The following SETX variants were observed in gnomAD, a reference collection of about 807,000 sequenced individuals.
SETX encodes the protein senataxin, also known as helicase senataxin.
SETX carries 90 observed loss-of-function variants against 227.2 expected under a neutral mutation model. The observed-to-expected ratio is 0.40, with a 90% CI of 0.33 to 0.47. The LOEUF (loss-of-function observed/expected upper bound fraction) is 0.47. Among genes scored for constraint, SETX ranks in the 20% least tolerant of loss-of-function variants. SETX has a pLI of 0.91. For missense variants in SETX, 3,052 were observed against 3,181.5 expected (o/e 0.96, Z 0.98); for synonymous variants, 1,210 against 1,113.2 (o/e 1.09, Z -1.73).
chr9:132,328,071 G>T lies in SETX; in HGVS notation c.3527C>A (p.Pro1176His). ...EKPMAEDPVR[P>H]SSSVRNEGQS... is the part of the protein sequence containing the mutation. ...GCCCTCATTTCTGACAGAAGATGAA[G>T]GCCTCACAGGATCTTCAGCCATTGG... is the stretch of plus-strand genomic sequence containing the variant. Residue 1176 changes from proline to histidine, a missense_variant, in exon 10 of 26, where the codon CCT becomes CAT. By Grantham distance (77) the Pro-to-His change is moderately conservative. Transcript: ENST00000224140. 6.2e-7 allele frequency: 1 copy of T among 1,614,088 alleles called. No homozygotes were observed. The highest frequency in any genetic ancestry group is 8.5e-7 in the Non-Finnish European group (1 of 1,180,010).
At chr9:132,294,750 A>G (rs1844568038) in intron 15 of SETX, among the ~76,000 whole-genome samples, 1 of 152,180 alleles carries the variant, frequency 6.6e-6, no homozygotes, top group African/African-American at 2.4e-5. Flanking sequence ...GAGCTGGAGC[A>G]GCTATCCTGA....
chr9:132,283,269 C>G lies in SETX; in HGVS notation c.6541G>C (p.Asp2181His). The change falls in exon 19 of 26, where the codon GAT (aspartate) becomes CAT (histidine). Residue 2181 changes from aspartate (D) to histidine (H), a missense_variant. Asp to His is a moderately conservative substitution (Grantham distance 81, BLOSUM62 -1). Coordinates refer to ENST00000224140, the MANE Select transcript of SETX (RefSeq NM_015046.7). ...GGVPFSCVIV[D>H]EAGQSCEIET... Reference sequence around the variant, plus strand: ...ATGGCTGACCGTTCACTGACCTCATCAACAATGACACAGCTGAAGGGGACA... The same window carrying G: ...ATGGCTGACCGTTCACTGACCTCATGAACAATGACACAGCTGAAGGGGACA... The G allele has an allele frequency of 1.2e-6, 2 of 1,614,170 alleles. No individual in the cohort carries two copies. The highest frequency in any genetic ancestry group is 8.5e-7 in the Non-Finnish European group (1 of 1,180,026).
chr9:132,353,323 T>C (rs538026989), intron 2 of SETX, among the ~76,000 whole-genome samples: 82 of 152,134 alleles, frequency 5.4e-4, no homozygotes, highest in African/African-American at 1.8e-3. Context: ...CCCACCCTCC[T>C]ACCTCTGCCC....
At chr9:132,280,826 T>C (rs1039811170) in intron 20 of SETX, among the ~76,000 whole-genome samples, 1 of 152,182 alleles carries the variant, frequency 6.6e-6, no homozygotes, top group African/African-American at 2.4e-5. Context: ...GGAGAATCTT[T>C]CATGAGATTA....
At chr9:132,269,854 T>C (rs983643851) in intron 24 of SETX, 152 bp from the exon 25 acceptor site, 10 of 768,062 alleles carry the variant, frequency 1.3e-5, no homozygotes, top group Middle Eastern at 3.6e-4. Context: ...AGGTGGACTC[T>C]AGAATGACTC....
chr9:132,356,284 C>T (rs900172408), upstream of SETX, among the ~76,000 whole-genome samples: 3 of 152,008 alleles, frequency 2.0e-5, no homozygotes, highest in East Asian at 5.9e-4. Context: ...CTCACTGCAA[C>T]CTCCGCCTCC....
At chr9:132,285,891 A>C (rs942783739) in intron 18 of SETX, among the ~76,000 whole-genome samples, 4 of 148,246 alleles carry the variant, frequency 2.7e-5, no homozygotes, top group Non-Finnish European at 4.5e-5. Flanking sequence ...AAAAAAAAAA[A>C]CACAAAAGAG....
rs201802838 is a variant in SETX at position 132,291,015 on chromosome 9, T to C, written c.6107-2364A>G. 4.6e-5 allele frequency among the ~76,000 whole-genome samples: 7 copies of C among 152,170 alleles called. No individual in the cohort carries two copies. In the East Asian group the frequency reaches 7.7e-4, roughly 17 times the overall value. Reference sequence around the variant, plus strand: ...AAAGAATAGGGTTTTGATCACCACCTAGAAGAGTGGTGGGCACATAATAAA... The same window carrying C: ...AAAGAATAGGGTTTTGATCACCACCCAGAAGAGTGGTGGGCACATAATAAA... On this transcript the variant is annotated intron_variant, in intron 15 of 25. Coordinates refer to ENST00000224140, the MANE Select transcript of SETX (RefSeq NM_015046.7).
Position 132,328,106 on chromosome 9 carries a change from T to C in SETX, c.3492A>G (p.Arg1164=), listed in dbSNP as rs779383206. The part of the protein sequence containing the change: ...EIEVKKPKRK[R]SEKPMAEDPV... ...GATCTTCAGCCATTGGTTTTTCAGA[T>C]CGTTTTCTCTTAGGCTTTTTTACTT... is the stretch of plus-strand genomic sequence containing the variant. The change falls in exon 10 of 26, where the codon CGA becomes CGG. Residue 1164 remains arginine (R), a synonymous_variant. Transcript: ENST00000224140. The C allele has an allele frequency of 1.2e-6, 2 of 1,613,998 alleles. No homozygotes were observed. The highest frequency in any genetic ancestry group is 4.5e-5 in the East Asian group (2 of 44,880).
In SETX at chr9:132,329,153, C is replaced by A. The variant is rs1352231867; in HGVS notation, c.2445G>T (p.Leu815Phe). 17 of 1,611,480 alleles carry A rather than the reference C, an allele frequency of 1.1e-5. No individual in the cohort carries two copies. The highest frequency in any genetic ancestry group is 1.4e-5 in the Non-Finnish European group (16 of 1,179,658). The change falls in exon 10 of 26, where the codon TTG becomes TTT. Residue 815 changes from leucine (L) to phenylalanine (F), a missense_variant. This residue lies in a region of SETX where 1,483 missense variants were observed against 1,312.0 expected (regional missense o/e 1.13). Coordinates refer to ENST00000224140, the MANE Select transcript of SETX (RefSeq NM_015046.7). ...VDNTINLDENLTVSNIESFYS... is the reference protein window; with the variant it reads ...VDNTINLDENFTVSNIESFYS... ...AGAAACTCTCAATGTTAGATACAGT[C>A]AAATTTTCATCTAAATTGATAGTAT...
intron 10 of SETX, among the ~76,000 whole-genome samples, chr9:132,324,741 C>T (rs141616754): frequency 2.6e-5 from 4 of 152,164 alleles, no homozygotes; most frequent in African/African-American, 9.7e-5. Flanking sequence ...ATACTAGGCA[C>T]TCAAATATCT....
chr9:132,334,309 G>A (rs1004722159), intron 7 of SETX, among the ~76,000 whole-genome samples: 6 of 152,136 alleles, frequency 3.9e-5, no homozygotes, highest in Non-Finnish European at 5.9e-5. Context: ...TTAGCTGGGC[G>A]TGGTGGTGCA....
At chr9:132,311,334 CATTTT>C (rs1426982842) in intron 11 of SETX, among the ~76,000 whole-genome samples, 4 of 152,030 alleles carry the variant, frequency 2.6e-5, no homozygotes, top group Non-Finnish European at 4.4e-5. Context: ...AGGACTTATT[CATTTT>C]ATTTTAAAGA....
At chr9:132,267,573 G>A (rs1477758773) in intron 25 of SETX, among the ~76,000 whole-genome samples, 2 of 152,172 alleles carry the variant, frequency 1.3e-5, no homozygotes, top group African/African-American at 4.8e-5. Flanking sequence ...CAAAGAAAAA[G>A]CCCAAGGACA....
Position 132,327,246 on chromosome 9 carries a change from A to G in SETX, c.4352T>C (p.Val1451Ala). 2 of 1,614,166 alleles carry G rather than the reference A, an allele frequency of 1.2e-6. No individual in the cohort carries two copies. Among genetic ancestry groups the G allele is most frequent in the Non-Finnish European group, 8.5e-7 (1 of 1,180,034 alleles). ...GGAGACAATTACTTCATTTGTTGGT[A>G]CTGTTCCATTTAACACTACAGAATC... Reference protein sequence around the residue: ...QCDSVVLNGTVPTNEVIVSTS... With the variant: ...QCDSVVLNGTAPTNEVIVSTS... The change falls in exon 10 of 26, where the codon GTA becomes GCA. Residue 1451 changes from valine to alanine, a missense_variant. Physicochemically the swap from Val to Ala is moderately conservative, Grantham distance 64. This residue lies in a region of SETX where 1,483 missense variants were observed against 1,312.0 expected (regional missense o/e 1.13). Transcript: ENST00000224140.
chr9:132,298,443 T>C, intron 12 of SETX, 131 bp from the exon 13 acceptor site: 1 of 804,970 alleles, frequency 1.2e-6, no homozygotes, highest in Middle Eastern at 2.3e-4. Context: ...CCAGTAAATA[T>C]TTATGGACTG....
At position 132,265,224 on chromosome 9, in the gene SETX, GTT is replaced by G. The variant is rs397741391; in HGVS notation, c.7288-241_7288-240del. ...CCTATAATGGAGAACTTCAACTTTTGTTTTTTTTTTTTTTTTTTTTGAGACAG... is the reference window on the plus strand; with the variant it reads ...CCTATAATGGAGAACTTCAACTTTTGTTTTTTTTTTTTTTTTTTGAGACAG... On this transcript the variant is annotated intron_variant, in intron 25 of 25. Transcript: ENST00000224140. Among the ~76,000 whole-genome samples the G allele has an allele frequency of 1.9e-4, 20 of 106,418 alleles. No individual in the cohort carries two copies. In the South Asian group the frequency reaches 2.0e-3, roughly 10 times the overall value. The allele number at this position is 106,418 out of a possible 152,430, so 69.8% of individuals were successfully genotyped here. A position where few individuals can be genotyped will look rare whatever the true frequency, so the allele number is the denominator to read the frequency against.
chr9:132,270,588 G>A (rs1481180724), intron 24 of SETX, among the ~76,000 whole-genome samples: 4 of 152,214 alleles, frequency 2.6e-5, no homozygotes, highest in East Asian at 1.9e-4. Flanking sequence ...CCAAAACCTC[G>A]GGGCTTCCTT....
chr9:132,296,778 C>G (rs981028256), intron 14 of SETX, 109 bp downstream of exon 14: 3 of 1,025,896 alleles, frequency 2.9e-6, no homozygotes, highest in Admixed American at 1.9e-5. Context: ...AAAATATATA[C>G]AAATCAAAGA....
Sources: gnomAD v4.1 joint callset for allele counts (sites outside exome capture counted in the v4.1 genomes callset) on GRCh38, gnomAD v4.1.1 for gene constraint, gnomAD v4.1.1 regional missense constraint, MANE v1.5 for transcripts, NCBI Gene and HGNC (gene_info 2026-07-23, HGNC 2026-07-21) for gene names.